SORCS3: variants seen among roughly 807,000 people sequenced by gnomAD.
The protein encoded by SORCS3 is sortilin related VPS10 domain containing receptor 3.
In SORCS3, 57 loss-of-function variants were observed where a neutral mutation model predicts 146.3. That is an observed-to-expected ratio of 0.39 (90% CI 0.31 to 0.49). SORCS3 has a LOEUF of 0.49. Among genes scored for constraint, SORCS3 ranks in the 20% least tolerant of loss-of-function variants. The pLI, the probability that SORCS3 is intolerant of heterozygous loss-of-function variation, is 0.92. For synonymous variants in SORCS3, 653 were observed against 618.5 expected, an observed-to-expected ratio of 1.06 and a Z score of -0.83; for missense variants, 1,341 against 1,575.5, an observed-to-expected ratio of 0.85 and a Z score of 2.52.
intron 14 of SORCS3, among the ~76,000 whole-genome samples, chr10:105,179,040 A>G (rs558848672): frequency 9.2e-5 from 14 of 152,176 alleles, no homozygotes; most frequent in Non-Finnish European, 2.1e-4. Flanking sequence ...TCTTTTTCCA[A>G]TGGTGATGGA....
chr10:104,796,173 G>T (rs968592118), intron 1 of SORCS3, among the ~76,000 whole-genome samples: 1 of 152,212 alleles, frequency 6.6e-6, no homozygotes, highest in Non-Finnish European at 1.5e-5. Flanking sequence ...GGTTTAATAG[G>T]TAGGGCCTGG....
chr10:105,200,213 A>G (rs2056566540), intron 15 of SORCS3, 97 bp downstream of exon 15: 6 of 908,844 alleles, frequency 6.6e-6, no homozygotes, highest in Non-Finnish European at 1.0e-5. Flanking sequence ...TAGGGGAGGA[A>G]GGTAGTGGGT....
At chr10:105,123,422 G>T (rs1234395840) in intron 7 of SORCS3, among the ~76,000 whole-genome samples, 1 of 152,124 alleles carries the variant, frequency 6.6e-6, no homozygotes, top group East Asian at 1.9e-4. Context: ...AAGATACTTG[G>T]GATGTACTTA....
chr10:104,840,906 C>A (rs1289881483), intron 1 of SORCS3, among the ~76,000 whole-genome samples: 1 of 64,178 alleles, frequency 1.6e-5, no homozygotes, highest in East Asian at 6.4e-4. Flanking sequence ...CTGACTCATT[C>A]CTAGTAGATC....
intron 2 of SORCS3, among the ~76,000 whole-genome samples, chr10:104,865,275 G>C (rs1179961045): frequency 6.6e-6 from 1 of 152,120 alleles, no homozygotes; most frequent in Non-Finnish European, 1.5e-5. Flanking sequence ...AAGCAGGAAG[G>C]CAGGCCGGAA....
chr10:105,211,006 C>G, intron 16 of SORCS3, 131 bp from the exon 17 acceptor site: 1 of 596,834 alleles, frequency 1.7e-6, no homozygotes, highest in Non-Finnish European at 3.1e-6. Context: ...TTTACCCTCA[C>G]TGGGGATATT....
intron 1 of SORCS3, among the ~76,000 whole-genome samples, chr10:104,671,375 C>T (rs1426905093): frequency 1.3e-5 from 1 of 74,162 alleles, no homozygotes; most frequent in Non-Finnish European, 2.5e-5. Context: ...TGTTCTGTTG[C>T]CCAGGCTGGA....
rs749032032 is a variant in SORCS3 at position 105,159,011 on chromosome 10, C to T, written c.1732+17C>T. 5 of 1,553,600 alleles carry T rather than the reference C, an allele frequency of 3.2e-6. No homozygotes were observed. Among genetic ancestry groups the T allele is most frequent in the Non-Finnish European group, 4.4e-6 (5 of 1,127,308 alleles). The stretch of plus-strand genomic sequence containing the variant: ...TGGCTACAGGTAAGAAAAACATTCC[C>T]TGTGCTTCTTCCTTACTGAGAGTGT... On this transcript the variant is annotated intron_variant, in intron 11 of 26. Transcript: ENST00000369701.
rs118164906 is a variant in SORCS3, at chr10:105,044,174, G to A, written c.1028+1046G>A. Among the ~76,000 whole-genome samples, 97 of 152,158 alleles carry A rather than the reference G, an allele frequency of 6.4e-4. 2 individuals carry two copies. In the East Asian group the frequency reaches 0.018, roughly 28 times the overall value. On this transcript the variant is annotated intron_variant, in intron 5 of 26. Transcript: ENST00000369701. ...GCTTGAGGCCAGGAGTTCAAGACCA[G>A]CCTGGTCATTATAGTGATACCCTGT...
At chr10:104,875,667 G>C (rs949073028) in intron 2 of SORCS3, among the ~76,000 whole-genome samples, 1 of 152,158 alleles carries the variant, frequency 6.6e-6, no homozygotes, top group Non-Finnish European at 1.5e-5. Flanking sequence ...AGACCCAGCT[G>C]CTCTAATGAA....
At chr10:105,152,272 G>A (rs1007448842) in intron 9 of SORCS3, among the ~76,000 whole-genome samples, 1 of 152,130 alleles carries the variant, frequency 6.6e-6, no homozygotes, top group Non-Finnish European at 1.5e-5. Context: ...CATAAGGTGA[G>A]CTACATACAC....
intron 1 of SORCS3, among the ~76,000 whole-genome samples, chr10:104,807,658 T>C (rs532647622): frequency 6.6e-6 from 1 of 152,292 alleles, no homozygotes; most frequent in East Asian, 1.9e-4. Context: ...CTCTTTATTT[T>C]TTTGAAACGT....
chr10:104,760,326 A>G (rs562204978), intron 1 of SORCS3, among the ~76,000 whole-genome samples: 5 of 152,336 alleles, frequency 3.3e-5, no homozygotes, highest in Admixed American at 6.5e-5. Flanking sequence ...GAATAACCAT[A>G]AACACTTGTA....
At chr10:104,725,935 A>C (rs2016625222) in intron 1 of SORCS3, among the ~76,000 whole-genome samples, 1 of 152,186 alleles carries the variant, frequency 6.6e-6, no homozygotes, top group African/African-American at 2.4e-5. Context: ...GGGTGAGGCG[A>C]TGCCTCGCCC....
intron 1 of SORCS3, among the ~76,000 whole-genome samples, chr10:104,709,850 C>A (rs1037999797): frequency 6.6e-6 from 1 of 150,644 alleles, no homozygotes; most frequent in Non-Finnish European, 1.5e-5. Flanking sequence ...ATAATGTGTC[C>A]AATTTGGTGA....
intron 1 of SORCS3, among the ~76,000 whole-genome samples, chr10:104,752,320 GCCACCGCA>G (rs576400136): frequency 3.2e-4 from 48 of 152,186 alleles, no homozygotes; most frequent in Non-Finnish European, 5.3e-4. Context: ...ACAGGCATGA[GCCACCGCA>G]CCTGGCTAAA....
chr10:104,958,040 C>T (rs1240488931), intron 3 of SORCS3, among the ~76,000 whole-genome samples: 1 of 152,058 alleles, frequency 6.6e-6, no homozygotes, highest in African/African-American at 2.4e-5. Flanking sequence ...ACGGAGAAGA[C>T]CTGTTAGGTT....
chr10:105,147,550 C>G (rs1331333896), intron 8 of SORCS3, 67 bp from the exon 9 acceptor site: 2 of 1,380,726 alleles, frequency 1.4e-6, no homozygotes, highest in Non-Finnish European at 2.0e-6. Context: ...ATAGTAATTA[C>G]TTGGCATCCC....
At chr10:104,851,803 T>A (rs2018276763) in intron 2 of SORCS3, among the ~76,000 whole-genome samples, 1 of 152,242 alleles carries the variant, frequency 6.6e-6, no homozygotes. Context: ...ATAGTTACTT[T>A]CTCATCGTTT....
Sources: allele counts gnomAD v4.1 joint callset (sites outside exome capture counted in the v4.1 genomes callset), GRCh38; gene constraint gnomAD v4.1.1; transcripts MANE v1.5; gene names NCBI Gene and HGNC (gene_info 2026-07-23, HGNC 2026-07-21).